The following FHIT variants were observed in gnomAD, a reference collection of about 807,000 sequenced individuals.
FHIT encodes bis(5'-adenosyl)-triphosphatase.
Under a neutral mutation model 17.9 loss-of-function variants are expected in FHIT, and 19 were observed. That is an observed-to-expected ratio of 1.06 (90% CI 0.74 to 1.56). The LOEUF (loss-of-function observed/expected upper bound fraction) is 1.56, where lower values mean the gene tolerates loss of function less well. Among genes scored for constraint, FHIT ranks in the 40% most tolerant of loss-of-function variants. The probability of loss-of-function intolerance (pLI) is 0.00; values close to 1 mark genes in which losing one functional copy is unlikely to be tolerated. For missense variants in FHIT, 248 were observed against 189.2 expected (o/e 1.31, Z -1.82); for synonymous variants, 81 against 69.7 (o/e 1.16, Z -0.81).
In FHIT at chr3:60,825,160, G is replaced by C. The variant is rs374111009; in HGVS notation, c.-110-3149C>G. 5.9e-5 allele frequency among the ~76,000 whole-genome samples: 9 copies of C among 152,148 alleles called. No homozygotes were observed. The East Asian group carries it at 1.3e-3, about 23-fold the overall frequency. On this transcript the variant is annotated intron_variant, in intron 3 of 9. Coordinates refer to ENST00000492590, the MANE Select transcript of FHIT (RefSeq NM_002012.4). ...GAGCAATTTTACTGTATTATCAAAAGTGACAGTACACATATGCCACGGCAT... is the reference window on the plus strand; with the variant it reads ...GAGCAATTTTACTGTATTATCAAAACTGACAGTACACATATGCCACGGCAT...
chr3:59,994,158 C>G (rs980647114), intron 7 of FHIT, among the ~76,000 whole-genome samples: 2 of 152,052 alleles, frequency 1.3e-5, no homozygotes, highest in Non-Finnish European at 2.9e-5. Flanking sequence ...GGTTACAAAG[C>G]ATTACTCCCA....
chr3:61,056,133 C>G (rs576348726), intron 2 of FHIT, among the ~76,000 whole-genome samples: 1 of 152,136 alleles, frequency 6.6e-6, no homozygotes, highest in African/African-American at 2.4e-5. Context: ...TAAAATGAGT[C>G]TTTACCTGTT....
intron 5 of FHIT, among the ~76,000 whole-genome samples, chr3:60,336,421 G>C (rs1358643642): frequency 1.3e-5 from 2 of 152,174 alleles, no homozygotes; most frequent in Non-Finnish European, 2.9e-5. Flanking sequence ...TTAAAAGTCA[G>C]CTGTTAAAGA....
At chr3:60,566,948 A>T (rs6766427) in intron 4 of FHIT, among the ~76,000 whole-genome samples, 21,751 of 133,724 alleles carry the variant, frequency 0.16, 1,766 homozygotes, top group Admixed American at 0.19. Flanking sequence ...CACTGCTCAA[A>T]GAAATAAAAG....
intron 8 of FHIT, among the ~76,000 whole-genome samples, chr3:59,753,564 T>A (rs1280157864): frequency 1.3e-5 from 2 of 152,222 alleles, no homozygotes; most frequent in East Asian, 3.8e-4. Context: ...CCGCAGGTTA[T>A]CCGTTCATTC....
intron 4 of FHIT, among the ~76,000 whole-genome samples, chr3:60,662,696 C>A (rs1053822868): frequency 6.6e-6 from 1 of 151,970 alleles, no homozygotes; most frequent in African/African-American, 2.4e-5. Flanking sequence ...GATATGTTTC[C>A]ATTTGTTTGC....
rs545085728 is a variant in FHIT, at chr3:60,932,144, C to T, written c.-111+109903G>A. On this transcript the variant is annotated intron_variant, in intron 3 of 9. Transcript: ENST00000492590. ...CCACTGATAAGCCTCTGATGAAGAACAAGTAAATAAAAAACCATTGTGCTA... is the reference window on the plus strand; with the variant it reads ...CCACTGATAAGCCTCTGATGAAGAATAAGTAAATAAAAAACCATTGTGCTA... Among the ~76,000 whole-genome samples, 3 of 152,302 alleles carry T rather than the reference C, an allele frequency of 2.0e-5. No homozygotes were observed. The South Asian group carries it at 6.2e-4, about 32-fold the overall frequency.
chr3:60,680,800 C>T (rs2040729008), intron 4 of FHIT, among the ~76,000 whole-genome samples: 2 of 152,194 alleles, frequency 1.3e-5, no homozygotes, highest in African/African-American at 2.4e-5. Flanking sequence ...GTGAGCCACA[C>T]TTGGCCACCA....
At chr3:59,924,416 G>A (rs1325660735) in intron 7 of FHIT, among the ~76,000 whole-genome samples, 2 of 151,998 alleles carry the variant, frequency 1.3e-5, no homozygotes, top group East Asian at 3.9e-4. Flanking sequence ...CACAAATCCT[G>A]GACCTACCAC....
chr3:60,371,859 A>G (rs1380888577), intron 5 of FHIT, among the ~76,000 whole-genome samples: 1 of 93,850 alleles, frequency 1.1e-5, no homozygotes, highest in African/African-American at 3.5e-5. Flanking sequence ...TTTTTTTTTT[A>G]GCTCAAAATG....
chr3:60,943,998 C>T (rs1228292742), intron 3 of FHIT, among the ~76,000 whole-genome samples: 2 of 152,122 alleles, frequency 1.3e-5, no homozygotes, highest in Non-Finnish European at 2.9e-5. Context: ...CTCATTCTGT[C>T]TCTTCTACCT....
At position 60,176,477 on chromosome 3, in the gene FHIT, G is replaced by A. The variant is rs539880270; in HGVS notation, c.104-162325C>T. On this transcript the variant is annotated intron_variant, in intron 5 of 9. Transcript: ENST00000492590. The stretch of plus-strand genomic sequence containing the variant: ...GCATAGTTTACCTGCATTTCATAAG[G>A]GCAATCAAAATAGCTTTAAGCATGT... Among the ~76,000 whole-genome samples the A allele has an allele frequency of 3.9e-5, 6 of 152,208 alleles. No homozygotes were observed. In the East Asian group the frequency reaches 5.8e-4, roughly 15 times the overall value.
At chr3:60,223,828 T>C (rs1332547441) in intron 5 of FHIT, among the ~76,000 whole-genome samples, 2 of 152,062 alleles carry the variant, frequency 1.3e-5, no homozygotes, top group African/African-American at 4.8e-5. Flanking sequence ...CTTAGCACAA[T>C]GGTCACAGTC....
intron 2 of FHIT, among the ~76,000 whole-genome samples, chr3:61,157,381 A>G (rs2037562702): frequency 6.6e-6 from 1 of 152,172 alleles, no homozygotes; most frequent in Non-Finnish European, 1.5e-5. Flanking sequence ...CTGAGTATAT[A>G]TTAATACCCA....
intron 5 of FHIT, among the ~76,000 whole-genome samples, chr3:60,075,696 A>G (rs897432268): frequency 6.6e-6 from 1 of 152,002 alleles, no homozygotes; most frequent in African/African-American, 2.4e-5. Flanking sequence ...CTGTTTGTTT[A>G]CCATGGACAG....
intron 5 of FHIT, among the ~76,000 whole-genome samples, chr3:60,278,866 T>A (rs1284024391): frequency 1.3e-5 from 2 of 152,018 alleles, no homozygotes; most frequent in African/African-American, 4.8e-5. Context: ...CTTAGCAAAA[T>A]TTGTGGAATG....
chr3:59,994,848 A>G (rs1047608482), intron 7 of FHIT, among the ~76,000 whole-genome samples: 6 of 152,030 alleles, frequency 3.9e-5, no homozygotes, highest in African/African-American at 1.4e-4. Flanking sequence ...CCCTCCTTTC[A>G]CCTTGTCTAT....
At chr3:59,911,993 G>A (rs370864744) in intron 8 of FHIT, among the ~76,000 whole-genome samples, 3 of 152,278 alleles carry the variant, frequency 2.0e-5, no homozygotes, top group Admixed American at 6.5e-5. Context: ...CCCAGACTCT[G>A]GAGCCAGACA....
intron 2 of FHIT, among the ~76,000 whole-genome samples, chr3:61,172,443 C>A (rs2038032141): frequency 6.6e-6 from 1 of 152,142 alleles, no homozygotes; most frequent in Non-Finnish European, 1.5e-5. Flanking sequence ...AAGAAAGACA[C>A]ACAATGGTTA....
Sources: allele counts gnomAD v4.1 joint callset (sites outside exome capture counted in the v4.1 genomes callset), GRCh38; gene constraint gnomAD v4.1.1; transcripts MANE v1.5; gene names NCBI Gene and HGNC (gene_info 2026-07-23, HGNC 2026-07-21).